Variants in ALDH18A1 observed in about 807,000 individuals in gnomAD.
ALDH18A1 encodes the protein delta-1-pyrroline-5-carboxylate synthase.
A neutral mutation model predicts 88.8 loss-of-function variants in ALDH18A1; 44 were observed. That is an observed-to-expected ratio of 0.50 (90% CI 0.39 to 0.64). The LOEUF (loss-of-function observed/expected upper bound fraction) is 0.64. Ranked by LOEUF, ALDH18A1 falls within the 30% of genes least tolerant of loss-of-function variation. The pLI, the probability that ALDH18A1 is intolerant of heterozygous loss-of-function variation, is 0.00. For synonymous variants in ALDH18A1, 331 were observed against 372.1 expected, an observed-to-expected ratio of 0.89 and a Z score of 1.27; for missense variants, 782 against 1,009.5, an observed-to-expected ratio of 0.77 and a Z score of 3.05.
intron 1 of ALDH18A1, 104 bp from the exon 2 acceptor site, chr10:95,653,509 T>C (rs1052754248): frequency 9.8e-6 from 9 of 914,708 alleles, no homozygotes; most frequent in Non-Finnish European, 1.4e-5. Flanking sequence ...CTGACTCTCC[T>C]GCTCCAAACT....
intron 7 of ALDH18A1, among the ~76,000 whole-genome samples, chr10:95,631,944 C>T (rs887123304): frequency 3.9e-5 from 6 of 152,056 alleles, no homozygotes; most frequent in African/African-American, 1.4e-4. Context: ...AAAACATGTT[C>T]ACACAAAAAC....
intron 2 of ALDH18A1, among the ~76,000 whole-genome samples, chr10:95,650,855 C>T (rs2097909322): frequency 6.6e-6 from 1 of 151,934 alleles, no homozygotes; most frequent in African/African-American, 2.4e-5. Flanking sequence ...AGCTGAAGGC[C>T]AGGTGTGGAG....
At position 95,625,568 on chromosome 10, in the gene ALDH18A1, G is replaced by A. The variant is rs774964116; in HGVS notation, c.1153-113C>T. On this transcript the variant is annotated intron_variant, in intron 10 of 17. Transcript: ENST00000371224. ...TGCCAGGCCTTGCTCCCACATCCAC[G>A]GTCATCACCAGTTGAAATCTCCTGA... 1.6e-5 allele frequency: 13 copies of A among 829,388 alleles called. No individual in the cohort carries two copies. The Admixed American group carries it at 1.7e-4, about 11-fold the overall frequency. The allele number at this position is 829,388 out of a possible 1,614,324, so 51.4% of individuals were successfully genotyped here. A position where few individuals can be genotyped will look rare whatever the true frequency, so the allele number is the denominator to read the frequency against.
chr10:95,651,324 G>A (rs1429032112), intron 2 of ALDH18A1, among the ~76,000 whole-genome samples: 2 of 152,048 alleles, frequency 1.3e-5, no homozygotes, highest in South Asian at 2.1e-4. Flanking sequence ...ATCAAATGAC[G>A]GTAAAGATGC....
intron 2 of ALDH18A1, among the ~76,000 whole-genome samples, chr10:95,649,019 C>A (rs11188415): frequency 0.059 from 9,035 of 152,212 alleles, 299 homozygotes; most frequent in South Asian, 0.089. Flanking sequence ...TGTCTAATGA[C>A]AAGCTTGATT....
chr10:95,633,082 G>A (rs887709072), intron 6 of ALDH18A1, 33 bp from the exon 7 acceptor site: 5 of 1,557,636 alleles, frequency 3.2e-6, no homozygotes, highest in Non-Finnish European at 4.4e-6. Context: ...ATAAGTGAGT[G>A]AGCTAAGCAG....
chr10:95,628,455 C>T lies in ALDH18A1; in HGVS notation c.846G>A (p.Lys282=), dbSNP rs1280806134. Residue 282 remains lysine (K), a synonymous_variant, in exon 8 of 18, where the codon AAG becomes AAA. Transcript: ENST00000371224. ...CTCCGGGATAAAATATATCAATAAG[C>T]TTTGCATCATCTGAACCTGGGGGGC... The part of the protein sequence containing the change: ...FDSPPGSDDA[K]LIDIFYPGDQ... 6.2e-7 allele frequency: 1 copy of T among 1,613,880 alleles called. No homozygotes were observed. The highest frequency in any genetic ancestry group is 8.5e-7 in the Non-Finnish European group (1 of 1,179,974).
chr10:95,621,758 C>T lies in ALDH18A1; in HGVS notation c.1247-507G>A, dbSNP rs75868521. On this transcript the variant is annotated intron_variant, in intron 11 of 17. Coordinates refer to ENST00000371224, the MANE Select transcript of ALDH18A1 (RefSeq NM_002860.4). Reference sequence around the variant, plus strand: ...CATGTAAAGCTGTGTACCCTGATACCCTTTGTCCCAGCAATTTCAGTTCCA... The same window carrying T: ...CATGTAAAGCTGTGTACCCTGATACTCTTTGTCCCAGCAATTTCAGTTCCA... Among the ~76,000 whole-genome samples the T allele has an allele frequency of 7.1e-3, 1,083 of 152,030 alleles. 13 individuals are homozygous for T. Among genetic ancestry groups the T allele is most frequent in the African/African-American group, 0.025 (1,026 of 41,440 alleles).
chr10:95,630,468 T>C (rs551563954), intron 7 of ALDH18A1, among the ~76,000 whole-genome samples: 1 of 152,350 alleles, frequency 6.6e-6, no homozygotes, highest in South Asian at 2.1e-4. Context: ...ATCCCAGTGC[T>C]TTGGGAGGCC....
At position 95,621,061 on chromosome 10, in the gene ALDH18A1, G is replaced by T; in HGVS notation, c.1437C>A (p.Ile479=). 1 of 1,614,100 alleles carries T rather than the reference G, an allele frequency of 6.2e-7. No homozygotes were observed. The highest frequency in any genetic ancestry group is 1.1e-5 in the South Asian group (1 of 91,070). Residue 479 remains isoleucine (I), a synonymous_variant, in exon 12 of 18, where the codon ATC becomes ATA. Transcript: ENST00000371224. The part of the protein sequence containing the change: ...VTVPIGVLLV[I]FESRPDCLPQ... ...GTAGACAGTCAGGACGAGATTCAAA[G>T]ATCACCAGCAGAACTCCAATTGGGA...
intron 2 of ALDH18A1, 131 bp downstream of exon 2, chr10:95,653,159 G>A: frequency 1.2e-6 from 1 of 860,398 alleles, no homozygotes. Context: ...CTGCACTCCA[G>A]CCTGTGTGAC....
chr10:95,637,513 G>C (rs904102819), intron 3 of ALDH18A1, 77 bp from the exon 4 acceptor site: 1 of 1,572,136 alleles, frequency 6.4e-7, no homozygotes, highest in South Asian at 1.1e-5. Context: ...ATGGAGGTAG[G>C]GTGGGCTATC....
At chr10:95,609,716 G>C (rs1210091603) in intron 17 of ALDH18A1, among the ~76,000 whole-genome samples, 1 of 150,898 alleles carries the variant, frequency 6.6e-6, no homozygotes, top group Admixed American at 6.6e-5. Flanking sequence ...ACTCATGGGA[G>C]GTTTCATTAA....
chr10:95,647,906 C>T (rs1484725425), intron 2 of ALDH18A1, among the ~76,000 whole-genome samples: 6 of 152,238 alleles, frequency 3.9e-5, no homozygotes, highest in African/African-American at 9.6e-5. Flanking sequence ...TGGCGTGCCC[C>T]GGAAGGGCAT....
At chr10:95,653,456 C>A (rs1208852080) in intron 1 of ALDH18A1, 51 bp from the exon 2 acceptor site, 2 of 1,454,316 alleles carry the variant, frequency 1.4e-6, no homozygotes, top group South Asian at 1.2e-5. Context: ...CTGGACAATT[C>A]ATTTTATTTC....
intron 12 of ALDH18A1, among the ~76,000 whole-genome samples, chr10:95,617,533 G>C (rs887708706): frequency 2.0e-5 from 3 of 152,224 alleles, no homozygotes; most frequent in African/African-American, 7.2e-5. Flanking sequence ...CCACATGCCT[G>C]TCTGGGGAGG....
intron 1 of ALDH18A1, among the ~76,000 whole-genome samples, chr10:95,656,169 C>T (rs1398217227): frequency 2.6e-5 from 4 of 152,194 alleles, no homozygotes. Flanking sequence ...CCAGCTAAAA[C>T]CCGCGGCATC....
At chr10:95,656,270 A>G (rs1261226719) in intron 1 of ALDH18A1, among the ~76,000 whole-genome samples, 1 of 152,250 alleles carries the variant, frequency 6.6e-6, no homozygotes, top group African/African-American at 2.4e-5. Context: ...TGAAGTCTCC[A>G]CTTGGCCCAG....
chr10:95,613,404 T>C (rs1392473776), intron 15 of ALDH18A1, among the ~76,000 whole-genome samples: 1 of 150,806 alleles, frequency 6.6e-6, no homozygotes, highest in African/African-American at 2.4e-5. Flanking sequence ...TCAAATCAAA[T>C]CCAAAAAATA....
Sources: allele counts gnomAD v4.1 joint callset (sites outside exome capture counted in the v4.1 genomes callset), GRCh38; gene constraint gnomAD v4.1.1; transcripts MANE v1.5; gene names NCBI Gene and HGNC (gene_info 2026-07-23, HGNC 2026-07-21).